UIMC1: variants seen among roughly 807,000 people sequenced by gnomAD.
UIMC1 encodes ubiquitin interaction motif containing 1.
UIMC1 carries 42 observed loss-of-function variants against 84.9 expected under a neutral mutation model. The ratio of observed to expected loss-of-function variants is 0.49; its 90% CI spans 0.39 to 0.64. The LOEUF is 0.64. Ranked by LOEUF, UIMC1 falls within the 30% of genes least tolerant of loss-of-function variation. The pLI is 0.00. For missense variants in UIMC1, 825 were observed against 847.6 expected, an observed-to-expected ratio of 0.97 and a Z score of 0.33; for synonymous variants, 281 against 293.0, an observed-to-expected ratio of 0.96 and a Z score of 0.42.
intron 10 of UIMC1, among the ~76,000 whole-genome samples, chr5:176,928,244 C>T (rs2149418540): frequency 6.6e-6 from 1 of 152,280 alleles, no homozygotes; most frequent in East Asian, 1.9e-4. Flanking sequence ...AGTTGAGTAG[C>T]AGTGGCAAAG....
intron 3 of UIMC1, among the ~76,000 whole-genome samples, chr5:176,973,281 G>A (rs1769546263): frequency 6.6e-6 from 1 of 151,974 alleles, no homozygotes; most frequent in Non-Finnish European, 1.5e-5. Context: ...GACAAAAATT[G>A]GTTCTTGGAG....
At chr5:176,985,037 C>G (rs969903410) in intron 1 of UIMC1, among the ~76,000 whole-genome samples, 8 of 152,226 alleles carry the variant, frequency 5.3e-5, no homozygotes, top group African/African-American at 1.7e-4. Context: ...CCACTATTAT[C>G]CTATGACCCT....
At chr5:176,945,975 T>C (rs969559477) in intron 9 of UIMC1, among the ~76,000 whole-genome samples, 2 of 152,080 alleles carry the variant, frequency 1.3e-5, no homozygotes, top group African/African-American at 4.8e-5. Flanking sequence ...TACATAGAAA[T>C]GTACTGTACT....
chr5:176,991,725 G>A (rs1354613205), intron 1 of UIMC1, among the ~76,000 whole-genome samples: 1 of 151,378 alleles, frequency 6.6e-6, no homozygotes, highest in Non-Finnish European at 1.5e-5. Flanking sequence ...GAGGTCAGGA[G>A]ATCGAAACCA....
At chr5:176,989,696 A>G (rs1439365287) in intron 1 of UIMC1, among the ~76,000 whole-genome samples, 1 of 152,188 alleles carries the variant, frequency 6.6e-6, no homozygotes, top group Non-Finnish European at 1.5e-5. Context: ...CTGTATTTAA[A>G]TACAGTTAAC....
intron 2 of UIMC1, chr5:176,980,288 C>T (rs965237604): frequency 6.6e-6 from 1 of 151,014 alleles, no homozygotes; most frequent in African/African-American, 2.5e-5. Flanking sequence ...ATCCATCCAC[C>T]CTTCTGTCCG....
chr5:176,923,902 C>CACACACACACACACACACACAG (rs1762048943), intron 10 of UIMC1, among the ~76,000 whole-genome samples: 2 of 95,398 alleles, frequency 2.1e-5, no homozygotes, highest in African/African-American at 1.1e-4. Context: ...CACACACAGA[C>CACACACACACACACACACACAG]ACACACACAC....
intron 1 of UIMC1, among the ~76,000 whole-genome samples, chr5:176,999,528 AACCATCCCCACCTCCCC>A (rs1774141639): frequency 6.6e-6 from 1 of 151,796 alleles, no homozygotes; most frequent in Non-Finnish European, 1.5e-5. Flanking sequence ...GGTACCCACT[AACCATCCCCACCTCCCC>A]ACCATCCCCC....
At chr5:176,920,867 G>A (rs1334004848) in intron 10 of UIMC1, among the ~76,000 whole-genome samples, 1 of 152,200 alleles carries the variant, frequency 6.6e-6, no homozygotes. Context: ...TGATTTTGGG[G>A]AAAGCTTTCA....
intron 10 of UIMC1, among the ~76,000 whole-genome samples, chr5:176,937,704 T>C (rs1202658943): frequency 6.6e-6 from 1 of 152,146 alleles, no homozygotes; most frequent in African/African-American, 2.4e-5. Context: ...GCATAAATAG[T>C]AGACACTTTA....
At chr5:177,016,941 TGAACCCAGGAGGCAG>T (rs924569281) in intron 1 of UIMC1, among the ~76,000 whole-genome samples, 1 of 151,816 alleles carries the variant, frequency 6.6e-6, no homozygotes, top group African/African-American at 2.4e-5. Context: ...GAGAATCACT[TGAACCCAGGAGGCAG>T]AGGTTGCAGT....
intron 6 of UIMC1, among the ~76,000 whole-genome samples, chr5:176,959,739 T>A (rs1218704406): frequency 2.3e-5 from 3 of 133,028 alleles, no homozygotes; most frequent in African/African-American, 8.9e-5. Context: ...AAAAAAAAAT[T>A]ATTGTGCTTT....
chr5:177,004,425 T>C (rs1212198146), intron 1 of UIMC1, among the ~76,000 whole-genome samples: 1 of 152,200 alleles, frequency 6.6e-6, no homozygotes, highest in Non-Finnish European at 1.5e-5. Context: ...AGCAAGCCTG[T>C]ATACAGTTCA....
rs1422191519 is a variant in UIMC1 at position 176,959,779 on chromosome 5, C to G, written c.1201-1625G>C. Among the ~76,000 whole-genome samples, 4 of 151,590 alleles carry G rather than the reference C, an allele frequency of 2.6e-5. No individual in the cohort carries two copies. In the East Asian group the frequency reaches 7.8e-4, roughly 29 times the overall value. On this transcript the variant is annotated intron_variant, in intron 6 of 14. Coordinates refer to ENST00000511320, the MANE Select transcript of UIMC1 (RefSeq NM_001199298.2). ...AGGCGCGGTGGCTCACGCCTGTAATCCCAGCACTTTGGGAGGCCAAGGTGG... is the reference window on the plus strand; with the variant it reads ...AGGCGCGGTGGCTCACGCCTGTAATGCCAGCACTTTGGGAGGCCAAGGTGG...
intron 2 of UIMC1, among the ~76,000 whole-genome samples, chr5:176,975,999 A>AT (rs1201887549): frequency 6.6e-6 from 1 of 152,096 alleles, no homozygotes; most frequent in Non-Finnish European, 1.5e-5. Context: ...AAAAAATAAA[A>AT]TAGAGAAAGA....
intron 6 of UIMC1, 27 bp downstream of exon 6, chr5:176,968,528 C>CT (rs1266007231): frequency 6.4e-7 from 1 of 1,552,938 alleles, no homozygotes; most frequent in East Asian, 2.3e-5. Context: ...ATAAATCATC[C>CT]TTAATTACAG....
intron 1 of UIMC1, among the ~76,000 whole-genome samples, chr5:177,014,474 T>G (rs1185463115): frequency 6.6e-6 from 1 of 152,178 alleles, no homozygotes. Context: ...TCAAACCTAC[T>G]ATGTTAATTC....
chr5:176,984,148 G>T (rs1162635962), intron 1 of UIMC1, among the ~76,000 whole-genome samples: 6 of 113,954 alleles, frequency 5.3e-5, no homozygotes, highest in Admixed American at 1.9e-4. Flanking sequence ...CTGCCCGGCC[G>T]CCCTGTCTGG....
At chr5:176,967,491 G>A (rs1240315446) in intron 6 of UIMC1, among the ~76,000 whole-genome samples, 1 of 152,128 alleles carries the variant, frequency 6.6e-6, no homozygotes, top group Non-Finnish European at 1.5e-5. Flanking sequence ...AGTCCAGAGA[G>A]GGGAACTGGC....
Sources: allele counts gnomAD v4.1 joint callset (sites outside exome capture counted in the v4.1 genomes callset), GRCh38; gene constraint gnomAD v4.1.1; transcripts MANE v1.5; gene names NCBI Gene and HGNC (gene_info 2026-07-23, HGNC 2026-07-21).